Variants in JRK observed in about 807,000 individuals in gnomAD.
JRK encodes the protein jerky protein homolog.
For synonymous variants in JRK, 303 were observed against 218.1 expected (o/e 1.39, Z -3.43); for missense variants, 720 against 509.2 (o/e 1.41, Z -3.98).
At chr8:142,653,183 TAAC>T (rs1446496595), downstream of JRK, among the ~76,000 whole-genome samples, 67 of 152,322 alleles carry the variant, frequency 4.4e-4, no homozygotes, top group African/African-American at 1.5e-3. Flanking sequence ...ATTTAAATGA[TAAC>T]AGCCCTTCCC....
Position 142,660,359 on chromosome 8 carries a change from G to A in JRK, c.*3993C>T, listed in dbSNP as rs587654347. 86 of 985,196 alleles carry A rather than the reference G, an allele frequency of 8.7e-5. 2 individuals are homozygous for A. The highest frequency in any genetic ancestry group is 1.2e-6 in the Non-Finnish European group (1 of 829,982). 61.0% of individuals were successfully genotyped at this position (985,196 alleles called of 1,614,324 possible). ...ACATCCTGACCCCTACCTACCTCAT[G>A]ACCTCCCCGACCCTGATCTCCACAC... On this transcript the variant is annotated 3_prime_UTR_variant, in exon 2 of 2. Transcript: ENST00000612905.
chr8:142,646,992 G>GA, the JRK span, among the ~76,000 whole-genome samples: 1 of 152,212 alleles, frequency 6.6e-6, no homozygotes, highest in African/African-American at 2.4e-5. Context: ...ACTCTTAGAC[G>GA]AAAAATCAGA....
Position 142,661,646 on chromosome 8 carries a change from C to G in JRK, c.*2706G>C, listed in dbSNP as rs1554634589. 2 of 985,342 alleles carry G rather than the reference C, an allele frequency of 2.0e-6. No individual in the cohort carries two copies. Among genetic ancestry groups the G allele is most frequent in the Middle Eastern group, 5.2e-4 (1 of 1,936 alleles). The allele number at this position is 985,342 out of a possible 1,614,324, so 61.0% of individuals were successfully genotyped here. A position where few individuals can be genotyped will look rare whatever the true frequency, so the allele number is the denominator to read the frequency against. On this transcript the variant is annotated 3_prime_UTR_variant, in exon 2 of 2. Coordinates refer to ENST00000612905, the MANE Select transcript of JRK (RefSeq NM_003724.4). The stretch of plus-strand genomic sequence containing the variant: ...AAAACGCGGAGGCATTTAAACAGGA[C>G]CAGAGACTTTCTCGCTCTGCTCTGG...
At position 142,660,629 on chromosome 8, in the gene JRK, T is replaced by C; in HGVS notation, c.*3723A>G. On this transcript the variant is annotated 3_prime_UTR_variant, in exon 2 of 2. Coordinates refer to ENST00000612905, the MANE Select transcript of JRK (RefSeq NM_003724.4). ...GTTGCCCAGGCTGGTTTCAAACTCC[T>C]GAACTAAAGTGATCCTCCTGCCGTG... 3.3e-6 allele frequency: 3 copies of C among 922,472 alleles called. No homozygotes were observed. Among genetic ancestry groups the C allele is most frequent in the Non-Finnish European group, 2.6e-6 (2 of 773,798 alleles). 57.1% of individuals were successfully genotyped at this position (922,472 alleles called of 1,614,324 possible). A position where few individuals can be genotyped will look rare whatever the true frequency, so the allele number is the denominator to read the frequency against.
Position 142,661,525 on chromosome 8 carries a change from C to T in JRK, c.*2827G>A. On this transcript the variant is annotated 3_prime_UTR_variant, in exon 2 of 2. Coordinates refer to ENST00000612905, the MANE Select transcript of JRK (RefSeq NM_003724.4). Reference sequence around the variant, plus strand: ...AGAGGTCCCAAACCATATGACGCAGCACCTGCTACCCCACGAGCCACTGGA... The same window carrying T: ...AGAGGTCCCAAACCATATGACGCAGTACCTGCTACCCCACGAGCCACTGGA... 1 of 985,494 alleles carries T rather than the reference C, an allele frequency of 1.0e-6. No homozygotes were observed. The highest frequency in any genetic ancestry group is 1.2e-6 in the Non-Finnish European group (1 of 829,974). 61.0% of individuals were successfully genotyped at this position (985,494 alleles called of 1,614,324 possible). A position where few individuals can be genotyped will look rare whatever the true frequency, so the allele number is the denominator to read the frequency against.
downstream of JRK, among the ~76,000 whole-genome samples, chr8:142,655,422 G>A (rs1391362949): frequency 1.3e-5 from 2 of 152,248 alleles, no homozygotes; most frequent in African/African-American, 4.8e-5. Flanking sequence ...GGTGCCACCA[G>A]GACTGCCCAG....
Position 142,660,761 on chromosome 8 carries a change from G to C in JRK, c.*3591C>G. ...AGGTCCCTGAGGTGCAGTGTGGACG[G>C]GTCTTGATTTGTCCCAAGTTGTCGC... On this transcript the variant is annotated 3_prime_UTR_variant, in exon 2 of 2. Transcript: ENST00000612905. The C allele has an allele frequency of 3.0e-6, 3 of 985,424 alleles. No homozygotes were observed. The highest frequency in any genetic ancestry group is 9.4e-5 in the South Asian group (2 of 21,274). The allele number at this position is 985,424 out of a possible 1,614,324, so 61.0% of individuals were successfully genotyped here. A position where few individuals can be genotyped will look rare whatever the true frequency, so the allele number is the denominator to read the frequency against.
rs587735215 is a variant in JRK at position 142,664,637 on chromosome 8, G to A, written c.1422C>T (p.Asp474=). Residue 474 remains aspartate (D), a synonymous_variant, in exon 2 of 2, where the codon GAC becomes GAT. Coordinates refer to ENST00000612905, the MANE Select transcript of JRK (RefSeq NM_003724.4). The part of the protein sequence containing the change: ...SSEKTPKADQ[D]GRGDPGEGEE... ...CGCCCTCACCAGGATCTCCTCTGCC[G>A]TCCTGGTCAGCTTTCGGAGTCTTTT... is the stretch of plus-strand genomic sequence containing the variant. 50 of 1,611,324 alleles carry A rather than the reference G, an allele frequency of 3.1e-5. No homozygotes were observed. Among genetic ancestry groups the A allele is most frequent in the African/African-American group, 2.1e-4 (16 of 75,026 alleles).
intron 1 of JRK, among the ~76,000 whole-genome samples, chr8:142,668,047 C>T (rs1372572988): frequency 2.6e-5 from 4 of 152,322 alleles, no homozygotes; most frequent in Admixed American, 6.5e-5. Context: ...CTCAGCTGGC[C>T]GCCTCAGTGT....
In JRK at chr8:142,660,477, T is replaced by C. The variant is rs2129705385; in HGVS notation, c.*3875A>G. Reference sequence around the variant, plus strand: ...CTGGAGTGCAGAGGCCATAACTCACTGCAGCCTCAAACTCCTGGGCTTGGG... The same window carrying C: ...CTGGAGTGCAGAGGCCATAACTCACCGCAGCCTCAAACTCCTGGGCTTGGG... On this transcript the variant is annotated 3_prime_UTR_variant, in exon 2 of 2. Coordinates refer to ENST00000612905, the MANE Select transcript of JRK (RefSeq NM_003724.4). The C allele has an allele frequency of 5.3e-6, 5 of 944,692 alleles. No homozygotes were observed. The highest frequency in any genetic ancestry group is 6.3e-6 in the Non-Finnish European group (5 of 792,730). 58.5% of individuals were successfully genotyped at this position (944,692 alleles called of 1,614,324 possible).
In JRK at chr8:142,663,249, G is replaced by GT. The variant is rs781951358; in HGVS notation, c.*1102dup. ...CGTTCTGGAATCTCAGCTGCAGGCA[G>GT]TGAGTGTTGCCCGTGAAATGGAGAT... On this transcript the variant is annotated 3_prime_UTR_variant, in exon 2 of 2. Transcript: ENST00000612905. The GT allele has an allele frequency of 2.2e-5, 22 of 985,376 alleles. No homozygotes were observed. Among genetic ancestry groups the GT allele is most frequent in the Non-Finnish European group, 2.7e-5 (22 of 829,956 alleles). 61.0% of individuals were successfully genotyped at this position (985,376 alleles called of 1,614,324 possible). A position where few individuals can be genotyped will look rare whatever the true frequency, so the allele number is the denominator to read the frequency against.
At chr8:142,655,024 C>T (rs758788326), downstream of JRK, among the ~76,000 whole-genome samples, 6 of 152,294 alleles carry the variant, frequency 3.9e-5, no homozygotes, top group South Asian at 4.1e-4. Flanking sequence ...CCTCCTATGG[C>T]GGCTTCAAGG....
rs948851029 is a variant in JRK, at chr8:142,660,224, C to G, written c.*4128G>C. ...CCCTTGTCAAGGAGAGTCCTCGAAC[C>G]CAGAGGGGGCTGGGTAAGCAGCAGA... On this transcript the variant is annotated 3_prime_UTR_variant, in exon 2 of 2. Coordinates refer to ENST00000612905, the MANE Select transcript of JRK (RefSeq NM_003724.4). The G allele has an allele frequency of 5.8e-5, 57 of 985,402 alleles. No homozygotes were observed. Among genetic ancestry groups the G allele is most frequent in the Non-Finnish European group, 6.6e-5 (55 of 830,014 alleles). The allele number at this position is 985,402 out of a possible 1,614,324, so 61.0% of individuals were successfully genotyped here.
chr8:142,661,264 C>A lies in JRK; in HGVS notation c.*3088G>T. The A allele has an allele frequency of 1.0e-6, 1 of 985,470 alleles. No individual in the cohort carries two copies. Among genetic ancestry groups the A allele is most frequent in the Non-Finnish European group, 1.2e-6 (1 of 829,980 alleles). 61.0% of individuals were successfully genotyped at this position (985,470 alleles called of 1,614,324 possible). A position where few individuals can be genotyped will look rare whatever the true frequency, so the allele number is the denominator to read the frequency against. On this transcript the variant is annotated 3_prime_UTR_variant, in exon 2 of 2. Coordinates refer to ENST00000612905, the MANE Select transcript of JRK (RefSeq NM_003724.4). ...CAGGACAGGTGTTCTGTAAACCAAC[C>A]CCAACGTAGAAGGGGCTGAAAGACC...
chr8:142,646,525 T>C, the JRK span, among the ~76,000 whole-genome samples: 1 of 152,238 alleles, frequency 6.6e-6, no homozygotes. Context: ...TTGCAACCCC[T>C]ATGCCAAATC....
chr8:142,666,264 G>T lies in JRK; in HGVS notation c.-206C>A. The T allele has an allele frequency of 1.2e-6, 1 of 832,540 alleles. No homozygotes were observed. Among genetic ancestry groups the T allele is most frequent in the Non-Finnish European group, 1.9e-6 (1 of 525,062 alleles). The allele number at this position is 832,540 out of a possible 1,614,324, so 51.6% of individuals were successfully genotyped here. ...TGCACCTCCTGCCTCAGGTATCCCT[G>T]GTCTTCCAGGCTCCACACACCTAGG... On this transcript the variant is annotated 5_prime_UTR_variant, in exon 2 of 2. Coordinates refer to ENST00000612905, the MANE Select transcript of JRK (RefSeq NM_003724.4).
In JRK at chr8:142,662,508, CG is replaced by C; in HGVS notation, c.*1843del. ...TCCCCAGACAATGAAGCAAACAGTG[CG>C]GGTGACACCACAAAGACAATGGGAC... On this transcript the variant is annotated 3_prime_UTR_variant, in exon 2 of 2. Transcript: ENST00000612905. 1.0e-6 allele frequency: 1 copy of C among 985,440 alleles called. No individual in the cohort carries two copies. Among genetic ancestry groups the C allele is most frequent in the Non-Finnish European group, 1.2e-6 (1 of 829,940 alleles). The allele number at this position is 985,440 out of a possible 1,614,324, so 61.0% of individuals were successfully genotyped here.
chr8:142,652,059 A>C, the JRK span, among the ~76,000 whole-genome samples: 1 of 152,174 alleles, frequency 6.6e-6, no homozygotes, highest in African/African-American at 2.4e-5. Context: ...ATCTCAACCA[A>C]ATTTTGGGAG....
At chr8:142,649,028 T>C in the JRK span, among the ~76,000 whole-genome samples, 90,162 of 152,130 alleles carry the variant, frequency 0.59, 28,158 homozygotes, top group Admixed American at 0.69. Context: ...CAAACTTGCA[T>C]AGGGCCTGTT....
Sources: gnomAD v4.1 joint callset for allele counts (sites outside exome capture counted in the v4.1 genomes callset) on GRCh38, gnomAD v4.1.1 for gene constraint, MANE v1.5 for transcripts, NCBI Gene and HGNC (gene_info 2026-07-23, HGNC 2026-07-21) for gene names.